The following CDH23 variants were observed in gnomAD, a reference collection of about 807,000 sequenced individuals.
The protein encoded by CDH23 is cadherin-23.
A neutral mutation model predicts 317.1 loss-of-function variants in CDH23; 189 were observed. The ratio of observed to expected loss-of-function variants is 0.60; its 90% CI spans 0.53 to 0.67. CDH23 has a LOEUF of 0.67. Ranked by LOEUF, CDH23 falls within the 30% of genes least tolerant of loss-of-function variation. CDH23 has a pLI of 0.00. For synonymous variants in CDH23, 1,839 were observed against 1,876.8 expected (o/e 0.98, Z 0.52); for missense variants, 4,401 against 4,592.4 (o/e 0.96, Z 1.20).
chr10:71,509,809 G>A (rs1358849433), intron 3 of CDH23: 4 of 451,664 alleles, frequency 8.9e-6, no homozygotes, highest in Non-Finnish European at 1.6e-5. Context: ...AGGGGGGCAG[G>A]CAGAAGTCAT....
intron 1 of CDH23, among the ~76,000 whole-genome samples, chr10:71,411,173 G>A (rs569355053): frequency 2.4e-4 from 36 of 152,286 alleles, no homozygotes; most frequent in African/African-American, 8.7e-4. Context: ...TAAAAGCCCT[G>A]CTGAGATTTT....
chr10:71,515,542 G>A (rs1854286020), intron 6 of CDH23, among the ~76,000 whole-genome samples: 1 of 150,750 alleles, frequency 6.6e-6, no homozygotes, highest in Admixed American at 6.6e-5. Context: ...TTTTTTTAAT[G>A]AACACAGCAA....
At chr10:71,577,031 C>T (rs541728484) in intron 8 of CDH23, among the ~76,000 whole-genome samples, 11 of 152,322 alleles carry the variant, frequency 7.2e-5, no homozygotes, top group African/African-American at 2.6e-4. Context: ...CCTACTCATG[C>T]TTCATGACCC....
chr10:71,629,520 C>T (rs149850928), intron 11 of CDH23, among the ~76,000 whole-genome samples: 8 of 152,302 alleles, frequency 5.3e-5, no homozygotes, highest in East Asian at 1.9e-4. Flanking sequence ...GATGGCAAGC[C>T]GCCTAAGGGA....
chr10:71,535,400 C>T (rs1266520157), intron 6 of CDH23, among the ~76,000 whole-genome samples: 2 of 152,170 alleles, frequency 1.3e-5, no homozygotes, highest in Admixed American at 6.5e-5. Flanking sequence ...TCTTCGGAAC[C>T]ATGAGCACCA....
intron 44 of CDH23, among the ~76,000 whole-genome samples, chr10:71,786,743 C>T (rs914795559): frequency 3.3e-5 from 5 of 152,154 alleles, no homozygotes; most frequent in African/African-American, 7.2e-5. Flanking sequence ...AGCAATCCAC[C>T]TGCCTCAGCC....
intron 41 of CDH23, among the ~76,000 whole-genome samples, chr10:71,780,845 G>A (rs1423613506): frequency 6.6e-6 from 1 of 152,136 alleles, no homozygotes; most frequent in African/African-American, 2.4e-5. Flanking sequence ...GGGAGAGGGT[G>A]GTGGCATCAC....
At chr10:71,555,223 C>G (rs759554839) in intron 6 of CDH23, among the ~76,000 whole-genome samples, 1 of 152,102 alleles carries the variant, frequency 6.6e-6, no homozygotes, top group African/African-American at 2.4e-5. Flanking sequence ...GCCCAGCCCA[C>G]GAGGGAGGGG....
chr10:71,447,616 C>CTAGA lies in CDH23; in HGVS notation c.145+1223_145+1226dup, dbSNP rs1850235939. The stretch of plus-strand genomic sequence containing the variant: ...TTGGTGATAGATCAGTGTTGTAAGG[C>CTAGA]TAGATTTGGGGGTAGGGTTTGGGGA... On this transcript the variant is annotated intron_variant, in intron 3 of 69. Coordinates refer to ENST00000224721, the MANE Select transcript of CDH23 (RefSeq NM_022124.6). Among the ~76,000 whole-genome samples, 3 of 152,144 alleles carry CTAGA rather than the reference C, an allele frequency of 2.0e-5. No individual in the cohort carries two copies. In the South Asian group the frequency reaches 6.2e-4, roughly 32 times the overall value.
chr10:71,761,009 GC>G, intron 38 of CDH23: 1 of 1,391,542 alleles, frequency 7.2e-7, no homozygotes, highest in Non-Finnish European at 1.0e-6. Context: ...TCCCCCTCCT[GC>G]CCCAGGTTCT....
At chr10:71,427,167 A>AAAG (rs763314320) in intron 1 of CDH23, among the ~76,000 whole-genome samples, 1,487 of 96,994 alleles carry the variant, frequency 0.015, 110 homozygotes, top group East Asian at 0.12. Context: ...AAAAAAAAAA[A>AAAG]AAAGAAAGAA....
intron 29 of CDH23, among the ~76,000 whole-genome samples, chr10:71,724,597 C>T (rs1866723872): frequency 6.6e-6 from 1 of 152,196 alleles, no homozygotes; most frequent in Non-Finnish European, 1.5e-5. Context: ...CCACCGTGCC[C>T]CTGGGTTGGC....
rs1224016323 is a variant in CDH23 at position 71,798,339 on chromosome 10, C to G, written c.6830-15C>G. 1 of 1,601,350 alleles carries G rather than the reference C, an allele frequency of 6.2e-7. No individual in the cohort carries two copies. Among genetic ancestry groups the G allele is most frequent in the Non-Finnish European group, 8.6e-7 (1 of 1,168,368 alleles). On this transcript the variant is annotated splice_polypyrimidine_tract_variant and intron_variant, in intron 49 of 69. Transcript: ENST00000224721. The stretch of plus-strand genomic sequence containing the variant: ...GTGTCCTTCCCCTCTCCCTCACTCC[C>G]TGCCTCCACCACAGCCAAGCTGACT...
chr10:71,799,739 C>T, intron 52 of CDH23, 110 bp downstream of exon 52: 1 of 1,425,632 alleles, frequency 7.0e-7, no homozygotes. Context: ...GTCGCCTGGA[C>T]ATCTGCATCC....
chr10:71,668,749 T>A (rs1864017630), intron 14 of CDH23, among the ~76,000 whole-genome samples: 1 of 152,200 alleles, frequency 6.6e-6, no homozygotes, highest in African/African-American at 2.4e-5. Flanking sequence ...AAGACTGGCA[T>A]TGCTGACTCA....
At chr10:71,481,944 T>C (rs1230519360) in intron 3 of CDH23, among the ~76,000 whole-genome samples, 1 of 152,094 alleles carries the variant, frequency 6.6e-6, no homozygotes, top group Non-Finnish European at 1.5e-5. Flanking sequence ...TCCTGCTGAG[T>C]GGCCAGGAGA....
At chr10:71,734,679 G>A (rs1005390544) in intron 34 of CDH23, 21 bp downstream of exon 34, 5 of 1,398,662 alleles carry the variant, frequency 3.6e-6, no homozygotes, top group Non-Finnish European at 3.9e-6. Flanking sequence ...TGTGGCTGGA[G>A]CTTCCCCTGT....
intron 67 of CDH23, 38 bp from the exon 68 acceptor site, chr10:71,812,730 G>C: frequency 6.2e-7 from 1 of 1,612,736 alleles, no homozygotes; most frequent in Non-Finnish European, 8.5e-7. Context: ...ATGTGTGTGG[G>C]GTCTGCCTCT....
chr10:71,662,039 C>A (rs1863695318), intron 14 of CDH23, among the ~76,000 whole-genome samples: 1 of 151,200 alleles, frequency 6.6e-6, no homozygotes, highest in East Asian at 2.0e-4. Context: ...GGGCCCGCAG[C>A]CTCTGCTGGT....
Sources: gnomAD v4.1 joint callset for allele counts (sites outside exome capture counted in the v4.1 genomes callset) on GRCh38, gnomAD v4.1.1 for gene constraint, MANE v1.5 for transcripts, NCBI Gene and HGNC (gene_info 2026-07-23, HGNC 2026-07-21) for gene names.